The following DLG2 variants were observed in gnomAD, a reference collection of about 807,000 sequenced individuals.
DLG2 encodes the protein disks large homolog 2.
A neutral mutation model predicts 132.5 loss-of-function variants in DLG2; 45 were observed. That is an observed-to-expected ratio of 0.34 (90% confidence interval 0.27 to 0.44). The LOEUF is 0.44. Ranked by LOEUF, DLG2 falls within the 20% of genes least tolerant of loss-of-function variation. DLG2 has a pLI of 1.00. For synonymous variants in DLG2, 424 were observed against 419.6 expected, an observed-to-expected ratio of 1.01 and a Z score of -0.13; for missense variants, 1,045 against 1,196.9, an observed-to-expected ratio of 0.87 and a Z score of 1.87.
intron 3 of DLG2, among the ~76,000 whole-genome samples, chr11:85,538,553 C>A (rs2075760625): frequency 6.6e-6 from 1 of 151,832 alleles, no homozygotes. Flanking sequence ...ATGTCCATTG[C>A]AGCACTTTTC....
chr11:85,392,581 C>T (rs776755372), intron 3 of DLG2, among the ~76,000 whole-genome samples: 2 of 152,060 alleles, frequency 1.3e-5, no homozygotes, highest in East Asian at 3.8e-4. Context: ...TACTATAAGG[C>T]CATAGTCACC....
intron 17 of DLG2, among the ~76,000 whole-genome samples, chr11:83,796,936 C>G (rs556620238): frequency 6.6e-6 from 1 of 152,134 alleles, no homozygotes; most frequent in South Asian, 2.1e-4. Flanking sequence ...CTGTGGCGTA[C>G]AGAGGAGGCA....
At chr11:84,151,422 CTTAT>C (rs1186268241) in intron 9 of DLG2, among the ~76,000 whole-genome samples, 2 of 151,954 alleles carry the variant, frequency 1.3e-5, no homozygotes, top group Non-Finnish European at 2.9e-5. Flanking sequence ...CCTGATTGTG[CTTAT>C]TTGAGTCTTC....
chr11:84,250,683 TG>T (rs1324814044), intron 8 of DLG2, among the ~76,000 whole-genome samples: 24 of 152,186 alleles, frequency 1.6e-4, no homozygotes, highest in African/African-American at 4.6e-4. Flanking sequence ...GCCATCATAG[TG>T]GTTGTGTTAC....
chr11:84,948,714 G>A (rs967817067), intron 6 of DLG2, among the ~76,000 whole-genome samples: 6 of 152,150 alleles, frequency 3.9e-5, no homozygotes, highest in African/African-American at 1.4e-4. Flanking sequence ...AACCTAACCT[G>A]GATCTTGACA....
At chr11:83,599,653 C>T (rs965713711) in intron 19 of DLG2, among the ~76,000 whole-genome samples, 3 of 152,160 alleles carry the variant, frequency 2.0e-5, no homozygotes, top group African/African-American at 7.2e-5. Flanking sequence ...TAACTCCCAC[C>T]GCCACTAGAC....
chr11:85,369,231 T>A (rs1430251637), intron 3 of DLG2, among the ~76,000 whole-genome samples: 1 of 152,036 alleles, frequency 6.6e-6, no homozygotes, highest in African/African-American at 2.4e-5. Context: ...CCCCTCTGTG[T>A]GGAGGCTGGG....
rs190274218 is a variant in DLG2, at chr11:84,734,551, G to A, written c.358-199820C>T. Among the ~76,000 whole-genome samples, 84 of 152,252 alleles carry A rather than the reference G, an allele frequency of 5.5e-4. 1 individual carries two copies. In the East Asian group the frequency reaches 0.014, roughly 26 times the overall value. On this transcript the variant is annotated intron_variant, in intron 6 of 27. Transcript: ENST00000376104. ...GGAGATTTTGGGCTGAGACGATGGG[G>A]TTTTCTAGATATCCAATCATGTCAT...
chr11:84,710,856 T>C (rs1256243338), intron 6 of DLG2, among the ~76,000 whole-genome samples: 3 of 151,380 alleles, frequency 2.0e-5, no homozygotes, highest in Non-Finnish European at 4.4e-5. Flanking sequence ...ACCTTATTTA[T>C]AAGATTTCCA....
intron 6 of DLG2, among the ~76,000 whole-genome samples, chr11:84,779,200 A>G (rs964240769): frequency 3.3e-5 from 5 of 151,834 alleles, no homozygotes; most frequent in African/African-American, 7.3e-5. Flanking sequence ...GTGCGCACAC[A>G]CACACACACA....
chr11:84,951,423 C>T (rs1464729359), intron 6 of DLG2, among the ~76,000 whole-genome samples: 1 of 151,974 alleles, frequency 6.6e-6, no homozygotes, highest in African/African-American at 2.4e-5. Context: ...AATTAAATGG[C>T]AAACACTTGG....
At chr11:85,263,272 T>G (rs997763844) in intron 4 of DLG2, among the ~76,000 whole-genome samples, 12 of 152,212 alleles carry the variant, frequency 7.9e-5, no homozygotes, top group African/African-American at 2.9e-4. Flanking sequence ...ATCATTCCAA[T>G]GCTGTTTGAG....
At chr11:83,491,699 C>T (rs201454579) in intron 21 of DLG2, among the ~76,000 whole-genome samples, 3 of 151,934 alleles carry the variant, frequency 2.0e-5, no homozygotes, top group East Asian at 1.9e-4. Flanking sequence ...TTTTCCTTAA[C>T]GTTGAGGCCC....
At chr11:83,681,582 T>C (rs920017712) in intron 18 of DLG2, among the ~76,000 whole-genome samples, 17 of 152,164 alleles carry the variant, frequency 1.1e-4, no homozygotes, top group Non-Finnish European at 1.5e-4. Flanking sequence ...GCAAATCTCA[T>C]TGGATTCTGA....
intron 4 of DLG2, among the ~76,000 whole-genome samples, chr11:85,240,436 A>G (rs1408021884): frequency 6.6e-6 from 1 of 151,838 alleles, no homozygotes; most frequent in Non-Finnish European, 1.5e-5. Context: ...TTAAAGTCAA[A>G]TATATCACCT....
chr11:83,783,051 C>G (rs1001758036), intron 18 of DLG2, among the ~76,000 whole-genome samples: 3 of 152,186 alleles, frequency 2.0e-5, no homozygotes, highest in African/African-American at 7.2e-5. Context: ...GAAAGAAAAA[C>G]AACTTCATTA....
At chr11:85,090,397 G>T (rs547843037) in intron 6 of DLG2, among the ~76,000 whole-genome samples, 4 of 152,210 alleles carry the variant, frequency 2.6e-5, no homozygotes, top group African/African-American at 9.6e-5. Flanking sequence ...ACATCCAATG[G>T]TCAGCAATTG....
intron 6 of DLG2, among the ~76,000 whole-genome samples, chr11:84,580,730 G>A (rs1027689300): frequency 1.2e-4 from 18 of 152,226 alleles, no homozygotes; most frequent in Non-Finnish European, 1.5e-4. Flanking sequence ...CCTTTGGCAT[G>A]AATATAGTAT....
At chr11:85,516,979 A>G (rs1287188966) in intron 3 of DLG2, among the ~76,000 whole-genome samples, 1 of 152,084 alleles carries the variant, frequency 6.6e-6, no homozygotes, top group African/African-American at 2.4e-5. Context: ...AAAAAAAGGA[A>G]AAACTACAGA....
Sources: allele counts gnomAD v4.1 joint callset (sites outside exome capture counted in the v4.1 genomes callset), GRCh38; gene constraint gnomAD v4.1.1; transcripts MANE v1.5; gene names NCBI Gene and HGNC (gene_info 2026-07-23, HGNC 2026-07-21).